Variants in CCDC82 observed in about 807,000 individuals in gnomAD.
The protein encoded by CCDC82 is coiled-coil domain-containing protein 82.
CCDC82 carries 47 observed loss-of-function variants against 60.6 expected under a neutral mutation model. The observed-to-expected ratio is 0.77, with a 90% confidence interval of 0.61 to 0.99. The LOEUF is 0.99. Among genes scored for constraint, CCDC82 ranks in the 50% least tolerant of loss-of-function variants. CCDC82 has a pLI of 0.00. For synonymous variants in CCDC82, 212 were observed against 207.4 expected, an observed-to-expected ratio of 1.02 and a Z score of -0.19; for missense variants, 588 against 633.0, an observed-to-expected ratio of 0.93 and a Z score of 0.76.
At chr11:96,363,122 A>G (rs10831514) in intron 8 of CCDC82, 32,185 of 151,846 alleles carry the variant, frequency 0.21, 3,525 homozygotes, top group East Asian at 0.31. Flanking sequence ...CTCTCGGCTA[A>G]TTTTTTGTAT....
intron 5 of CCDC82, among the ~76,000 whole-genome samples, chr11:96,376,809 A>G (rs1865600946): frequency 6.6e-6 from 1 of 152,192 alleles, no homozygotes; most frequent in Non-Finnish European, 1.5e-5. Flanking sequence ...ATATCATTTA[A>G]GTAATTATTG....
chr11:96,382,601 G>A (rs1865936990), intron 5 of CCDC82: 2 of 151,844 alleles, frequency 1.3e-5, no homozygotes, highest in African/African-American at 4.8e-5. Context: ...ACCAATGGTT[G>A]TAATGCAAGT....
rs558816978 is a variant in CCDC82 at position 96,361,258 on chromosome 11, T to C, written c.1381-2080A>G. 4.6e-5 allele frequency among the ~76,000 whole-genome samples: 7 copies of C among 152,354 alleles called. No homozygotes were observed. In the South Asian group the frequency reaches 1.2e-3, roughly 27 times the overall value. ...GTGATTTGTATTTCTTTCACATTTA[T>C]TCTGTATTTCCACAAAACAAGAGGA... On this transcript the variant is annotated intron_variant, in intron 8 of 9. Transcript: ENST00000646818.
Position 96,371,001 on chromosome 11 carries a change from C to G in CCDC82, c.1209+12G>C. The G allele has an allele frequency of 6.5e-7, 1 of 1,534,844 alleles. No homozygotes were observed. The highest frequency in any genetic ancestry group is 8.8e-7 in the Non-Finnish European group (1 of 1,142,712). The stretch of plus-strand genomic sequence containing the variant: ...CAACCCCCAAGCAGAGATTCAAAAA[C>G]AAACTGTGTACCTTATATTGCTCTT... On this transcript the variant is annotated intron_variant, in intron 7 of 9. Transcript: ENST00000646818.
At position 96,384,574 on chromosome 11, in the gene CCDC82, A is replaced by T. The variant is rs888686983; in HGVS notation, c.174T>A (p.Asp58Glu). Residue 58 changes from aspartate (D) to glutamate (E), a missense_variant, in exon 4 of 10, where the codon GAT (aspartate) becomes GAA (glutamate). By Grantham distance (45) the Asp-to-Glu change is conservative. Transcript: ENST00000646818. The stretch of plus-strand genomic sequence containing the variant: ...GCTCTTCATCATTTTCAAAACTTTC[A>T]TCACTATCAAGCTCTTCATCACTAT... ...EFDSDEELDS[D>E]ESFENDEELD... 4 of 1,613,506 alleles carry T rather than the reference A, an allele frequency of 2.5e-6. No homozygotes were observed. The African/African-American group carries it at 4.0e-5, about 16-fold the overall frequency.
At chr11:96,371,310 C>T (rs752287293) in intron 6 of CCDC82, among the ~76,000 whole-genome samples, 173 bp from the exon 7 acceptor site, 17 of 152,262 alleles carry the variant, frequency 1.1e-4, no homozygotes, top group South Asian at 6.2e-4. Context: ...AGGCCGGGCA[C>T]GGTGCCTCAT....
At chr11:96,357,187 AC>A in intron 9 of CCDC82, 3 of 985,448 alleles carry the variant, frequency 3.0e-6, no homozygotes, top group Non-Finnish European at 3.6e-6. Flanking sequence ...AAATTTCATT[AC>A]AGCACAAAAA....
chr11:96,380,606 G>A (rs1865825306), intron 5 of CCDC82: 1 of 151,710 alleles, frequency 6.6e-6, no homozygotes, highest in South Asian at 2.1e-4. Flanking sequence ...ATAGGTGAAT[G>A]GATGAACAAA....
rs1864869951 is a variant in CCDC82, at chr11:96,365,036, C to T, written c.1324G>A (p.Glu442Lys). Residue 442 changes from glutamate to lysine, a missense_variant, in exon 8 of 10, where the codon GAG (glutamate) becomes AAG (lysine). By Grantham distance (56) the Glu-to-Lys change is moderately conservative. Coordinates refer to ENST00000646818, the MANE Select transcript of CCDC82 (RefSeq NM_024725.4). ...YCKYSVHLSG[E>K]LYNTRTMQID... ...TGCATGGTCCTGGTGTTATACAACT[C>T]TCCTGATAAATGCACTGAATATTTA... 1 of 1,610,818 alleles carries T rather than the reference C, an allele frequency of 6.2e-7. No homozygotes were observed. The highest frequency in any genetic ancestry group is 1.7e-5 in the Admixed American group (1 of 59,822).
chr11:96,376,420 C>T (rs1265196767), intron 5 of CCDC82, among the ~76,000 whole-genome samples: 1 of 150,778 alleles, frequency 6.6e-6, no homozygotes, highest in Admixed American at 6.7e-5. Context: ...ACCTATCAAG[C>T]CGTGCTTTTC....
chr11:96,363,677 T>C (rs564564289), intron 8 of CCDC82: 1 of 152,324 alleles, frequency 6.6e-6, no homozygotes, highest in African/African-American at 2.4e-5. Context: ...AAAAATCTAG[T>C]ATTTTTAAAA....
intron 8 of CCDC82, among the ~76,000 whole-genome samples, chr11:96,360,699 G>T (rs1417725865): frequency 6.6e-6 from 1 of 152,150 alleles, no homozygotes; most frequent in Admixed American, 6.5e-5. Flanking sequence ...ATTTATCTAT[G>T]CAACTTGTGT....
chr11:96,365,167 T>C lies in CCDC82; in HGVS notation c.1210-17A>G. On this transcript the variant is annotated splice_polypyrimidine_tract_variant and intron_variant, in intron 7 of 9. Coordinates refer to ENST00000646818, the MANE Select transcript of CCDC82 (RefSeq NM_024725.4). ...TACTCGCTCCTGAAAACAAAAAATA[T>C]AAAAAAAAGTTTAAAAGATAAAGAA... 25 of 1,447,690 alleles carry C rather than the reference T, an allele frequency of 1.7e-5. No homozygotes were observed. Among genetic ancestry groups the C allele is most frequent in the Non-Finnish European group, 2.3e-5 (25 of 1,072,262 alleles). The allele number at this position is 1,447,690 out of a possible 1,614,324, so 89.7% of individuals were successfully genotyped here.
chr11:96,358,001 A>G, intron 9 of CCDC82: 3 of 985,430 alleles, frequency 3.0e-6, no homozygotes, highest in Non-Finnish European at 3.6e-6. Flanking sequence ...AAGGGAAACC[A>G]GTGATGATGT....
At chr11:96,365,660 A>G (rs530412884) in intron 7 of CCDC82, among the ~76,000 whole-genome samples, 1 of 152,354 alleles carries the variant, frequency 6.6e-6, no homozygotes, top group South Asian at 2.1e-4. Flanking sequence ...AGTTGGCACT[A>G]GGACTGCCAC....
At chr11:96,358,303 T>C (rs895134314) in intron 9 of CCDC82, 5 of 1,169,470 alleles carry the variant, frequency 4.3e-6, no homozygotes, top group Non-Finnish European at 5.3e-6. Flanking sequence ...TCTTTCCATA[T>C]ACCATAAACA....
At chr11:96,360,038 T>A (rs976967334) in intron 8 of CCDC82, among the ~76,000 whole-genome samples, 1 of 150,526 alleles carries the variant, frequency 6.6e-6, no homozygotes, top group Non-Finnish European at 1.5e-5. Context: ...ATGTTTTGAA[T>A]GTTTAAAATT....
intron 7 of CCDC82, among the ~76,000 whole-genome samples, chr11:96,367,726 G>A (rs1865022588): frequency 6.6e-6 from 1 of 151,910 alleles, no homozygotes; most frequent in African/African-American, 2.4e-5. Flanking sequence ...CATCTAGAAT[G>A]GTGAATACTT....
chr11:96,360,236 T>C (rs1354336387), intron 8 of CCDC82, among the ~76,000 whole-genome samples: 3 of 149,850 alleles, frequency 2.0e-5, no homozygotes, highest in Non-Finnish European at 3.0e-5. Flanking sequence ...GGAGTTTCGC[T>C]TTTTCACCCA....
Sources: allele counts gnomAD v4.1 joint callset (sites outside exome capture counted in the v4.1 genomes callset), GRCh38; gene constraint gnomAD v4.1.1; transcripts MANE v1.5; gene names NCBI Gene and HGNC (gene_info 2026-07-23, HGNC 2026-07-21).